TNFSF4: variants seen among roughly 807,000 people sequenced by gnomAD.
The protein encoded by TNFSF4 is tumor necrosis factor ligand superfamily member 4.
TNFSF4 carries 4 observed loss-of-function variants against 7.3 expected under a neutral mutation model. The observed-to-expected ratio is 0.55, with a 90% CI of 0.27 to 1.25. The LOEUF is 1.25. TNFSF4 is among the 50% of genes most tolerant of loss of function. The pLI is 0.12. For synonymous variants in TNFSF4, 76 were observed against 83.7 expected (o/e 0.91, Z 0.50); for missense variants, 181 against 208.8 (o/e 0.87, Z 0.82).
the TNFSF4 span, among the ~76,000 whole-genome samples, chr1:173,422,840 C>T: frequency 6.6e-6 from 1 of 152,288 alleles, no homozygotes; most frequent in East Asian, 1.9e-4. Context: ...AAGACTTCTT[C>T]CATCTTCAAC....
upstream of TNFSF4, among the ~76,000 whole-genome samples, chr1:173,208,372 A>G (rs561926756): frequency 1.5e-4 from 23 of 152,348 alleles, no homozygotes; most frequent in African/African-American, 5.3e-4. Context: ...GCAGATATGT[A>G]AAGAAAGGAG....
the TNFSF4 span, among the ~76,000 whole-genome samples, chr1:173,322,968 C>T: frequency 2.0e-5 from 3 of 152,208 alleles, no homozygotes; most frequent in Non-Finnish European, 2.9e-5. Flanking sequence ...GGGCAGTGCA[C>T]AGCCAAACAA....
At chr1:173,340,323 TACAC>T in the TNFSF4 span, among the ~76,000 whole-genome samples, 79,154 of 135,530 alleles carry the variant, frequency 0.58, 23,580 homozygotes, top group Middle Eastern at 0.67. Flanking sequence ...CTAATCTGTT[TACAC>T]ACACACACAC....
the TNFSF4 span, among the ~76,000 whole-genome samples, chr1:173,300,966 T>C: frequency 2.0e-5 from 3 of 150,504 alleles, no homozygotes; most frequent in African/African-American, 7.3e-5. Flanking sequence ...AGAAACGTAA[T>C]TTACGTGAAC....
chr1:173,420,493 C>T, the TNFSF4 span, among the ~76,000 whole-genome samples: 1 of 152,142 alleles, frequency 6.6e-6, no homozygotes, highest in Non-Finnish European at 1.5e-5. Flanking sequence ...TCCAGCCTCA[C>T]TTAGGCACAT....
At chr1:173,354,950 A>C in the TNFSF4 span, among the ~76,000 whole-genome samples, 1 of 152,140 alleles carries the variant, frequency 6.6e-6, no homozygotes, top group Admixed American at 6.5e-5. Flanking sequence ...GCACAAGTTT[A>C]TTATCTTAAT....
the TNFSF4 span, among the ~76,000 whole-genome samples, chr1:173,424,043 G>A: frequency 1.3e-5 from 2 of 152,146 alleles, no homozygotes; most frequent in Non-Finnish European, 2.9e-5. Flanking sequence ...CAGAAGAACA[G>A]AAAAGAACAA....
the TNFSF4 span, among the ~76,000 whole-genome samples, chr1:173,364,090 T>C: frequency 6.6e-6 from 1 of 152,096 alleles, no homozygotes; most frequent in East Asian, 1.9e-4. Context: ...CATAAATGTG[T>C]ACAAAGATAT....
At chr1:173,420,612 G>A in the TNFSF4 span, among the ~76,000 whole-genome samples, 5 of 151,986 alleles carry the variant, frequency 3.3e-5, no homozygotes, top group East Asian at 9.7e-4. Flanking sequence ...TTAAGATGAT[G>A]TCAAATATGC....
At chr1:173,363,117 A>T in the TNFSF4 span, 1 of 334,690 alleles carries the variant, frequency 3.0e-6, no homozygotes, top group African/African-American at 2.2e-5. Context: ...TTTGCTACCA[A>T]CTCTTACATT....
the TNFSF4 span, among the ~76,000 whole-genome samples, chr1:173,231,565 T>G: frequency 1.3e-5 from 2 of 152,216 alleles, no homozygotes; most frequent in African/African-American, 2.4e-5. Flanking sequence ...TCACCACTCC[T>G]ATTCAACGTA....
the TNFSF4 span, among the ~76,000 whole-genome samples, chr1:173,360,601 G>C: frequency 6.6e-6 from 1 of 152,146 alleles, no homozygotes; most frequent in Admixed American, 6.6e-5. Context: ...AATTACAAAA[G>C]GTGGATAGCT....
At chr1:173,243,648 CTT>C in the TNFSF4 span, among the ~76,000 whole-genome samples, 1 of 152,226 alleles carries the variant, frequency 6.6e-6, no homozygotes, top group African/African-American at 2.4e-5. Flanking sequence ...AGCTCTTCCA[CTT>C]TTATATCATC....
chr1:173,361,432 C>T, the TNFSF4 span, among the ~76,000 whole-genome samples: 1 of 152,096 alleles, frequency 6.6e-6, no homozygotes, highest in Admixed American at 6.5e-5. Flanking sequence ...AACCCCATCT[C>T]TACTAAAAAT....
intron 1 of TNFSF4, among the ~76,000 whole-genome samples, chr1:173,204,936 C>CCT (rs1557886835): frequency 6.6e-6 from 1 of 151,748 alleles, no homozygotes; most frequent in Non-Finnish European, 1.5e-5. Context: ...CACACACACA[C>CCT]ACACACTGCT....
At chr1:173,394,987 CATAGATAGATAGATAGAT>C in the TNFSF4 span, among the ~76,000 whole-genome samples, 1 of 126,878 alleles carries the variant, frequency 7.9e-6, no homozygotes, top group African/African-American at 3.2e-5. Flanking sequence ...ATAGAGGACA[CATAGATAGATAGATAGAT>C]AGATAGATAG....
intron 2 of TNFSF4, among the ~76,000 whole-genome samples, chr1:173,187,710 A>C (rs977529025): frequency 6.6e-6 from 1 of 152,220 alleles, no homozygotes; most frequent in African/African-American, 2.4e-5. Flanking sequence ...AGTAGGAGGC[A>C]GTGATAGACT....
the TNFSF4 span, among the ~76,000 whole-genome samples, chr1:173,384,971 G>A: frequency 9.9e-5 from 15 of 152,152 alleles, no homozygotes; most frequent in South Asian, 6.2e-4. Context: ...GCTGAAATCA[G>A]CATCATAAAT....
At chr1:173,244,628 C>A in the TNFSF4 span, among the ~76,000 whole-genome samples, 1 of 130,622 alleles carries the variant, frequency 7.7e-6, no homozygotes. Context: ...GGCGACAGAG[C>A]GAGACTCTGT....
Sources: allele counts gnomAD v4.1 joint callset (sites outside exome capture counted in the v4.1 genomes callset), GRCh38; gene constraint gnomAD v4.1.1; transcripts MANE v1.5; gene names NCBI Gene and HGNC (gene_info 2026-07-23, HGNC 2026-07-21).